CAND2: variants seen among roughly 807,000 people sequenced by gnomAD.
The protein encoded by CAND2 is cullin-associated NEDD8-dissociated protein 2.
A neutral mutation model predicts 98.9 loss-of-function variants in CAND2; 62 were observed. The observed-to-expected ratio is 0.63, with a 90% CI of 0.51 to 0.77. The LOEUF (loss-of-function observed/expected upper bound fraction) is 0.77. CAND2 is among the 30% of genes least tolerant of loss of function. CAND2 has a pLI of 0.00. For missense variants in CAND2, 1,501 were observed against 1,655.2 expected (o/e 0.91, Z 1.62); for synonymous variants, 770 against 731.9 (o/e 1.05, Z -0.84).
In CAND2 at chr3:12,797,053, C is replaced by G. The variant is rs2061731026; in HGVS notation, c.68+265C>G. Among the ~76,000 whole-genome samples the G allele has an allele frequency of 2.0e-5, 3 of 151,942 alleles. No individual in the cohort carries two copies. In the South Asian group the frequency reaches 6.2e-4, roughly 32 times the overall value. On this transcript the variant is annotated intron_variant, in intron 1 of 14. Transcript: ENST00000456430. ...GTCTCCCACCGTGCAGGCTTCAGCC[C>G]TACCTCTCACCCCCGATCAGAGCCC...
chr3:12,818,268 A>G (rs893779147), intron 10 of CAND2, among the ~76,000 whole-genome samples: 2 of 151,882 alleles, frequency 1.3e-5, no homozygotes, highest in Non-Finnish European at 2.9e-5. Context: ...CTACCAAAAA[A>G]AAAAACAAAA....
At chr3:12,821,050 A>C (rs903520335) in intron 11 of CAND2, among the ~76,000 whole-genome samples, 51 of 152,176 alleles carry the variant, frequency 3.4e-4, no homozygotes, top group Non-Finnish European at 6.8e-4. Context: ...CCTGGCCAAC[A>C]CGGTGAAACC....
At chr3:12,823,806 A>C (rs1039043266) in intron 11 of CAND2, among the ~76,000 whole-genome samples, 1 of 152,142 alleles carries the variant, frequency 6.6e-6, no homozygotes, top group African/African-American at 2.4e-5. Context: ...CTGAGGCCTG[A>C]GAATCGCTTG....
rs749706834 is a variant in CAND2 at position 12,827,503 on chromosome 3, G to T, written c.3274G>T (p.Glu1092Ter). 1 of 1,614,138 alleles carries T rather than the reference G, an allele frequency of 6.2e-7. No homozygotes were observed. Among genetic ancestry groups the T allele is most frequent in the Non-Finnish European group, 8.5e-7 (1 of 1,180,004 alleles). The change falls in exon 13 of 15, where the codon GAA (glutamate) becomes TAA (stop). Residue 1092 changes from glutamate to a stop codon, truncating the protein, a stop_gained. Coordinates refer to ENST00000456430, the MANE Select transcript of CAND2 (RefSeq NM_001162499.2). LOFTEE classifies it high-confidence loss of function. Reference protein sequence around the residue: ...DGLDVRKAAFECMYSLLESCL... With the variant: ...DGLDVRKAAF ...GCTGGACGTGCGGAAGGCGGCCTTT[G>T]AATGCATGTATTCACTGCTTGAGAG...
At chr3:12,809,175 C>T (rs372430465) in intron 4 of CAND2, among the ~76,000 whole-genome samples, 5 of 150,926 alleles carry the variant, frequency 3.3e-5, no homozygotes, top group South Asian at 2.1e-4. Flanking sequence ...TAGTAACTGG[C>T]GGGGGCAGAC....
intron 1 of CAND2, among the ~76,000 whole-genome samples, chr3:12,798,960 G>A (rs1191624176): frequency 6.7e-6 from 1 of 149,254 alleles, no homozygotes; most frequent in East Asian, 1.9e-4. Flanking sequence ...GGGGTGGAGG[G>A]AGACCTTTGT....
At chr3:12,814,701 G>A (rs2061882186) in intron 7 of CAND2, among the ~76,000 whole-genome samples, 1 of 151,896 alleles carries the variant, frequency 6.6e-6, no homozygotes. Context: ...GATGAGTTTT[G>A]TGCCCCAAAT....
At position 12,817,121 on chromosome 3, in the gene CAND2, T is replaced by C. The variant is rs1559554097; in HGVS notation, c.2189T>C (p.Val730Ala). 1 of 1,612,996 alleles carries C rather than the reference T, an allele frequency of 6.2e-7. No individual in the cohort carries two copies. Among genetic ancestry groups the C allele is most frequent in the Middle Eastern group, 1.7e-4 (1 of 6,060 alleles). Residue 730 changes from valine (V) to alanine (A), a missense_variant, in exon 10 of 15, where the codon GTG (valine) becomes GCG (alanine). Physicochemically the swap from Val to Ala is moderately conservative, Grantham distance 64. This residue lies in a region of CAND2 where 1,427 missense variants were observed against 1,545.3 expected (regional missense o/e 0.92). Transcript: ENST00000456430. Reference protein sequence around the residue: ...TVTQAQPASLVEVSGPVLSEL... With the variant: ...TVTQAQPASLAEVSGPVLSEL... ...ACCCAGGCCCAGCCAGCCTCTTTGGTGGAGGTCAGTGGCCCTGTGCTCTCA... is the reference window on the plus strand; with the variant it reads ...ACCCAGGCCCAGCCAGCCTCTTTGGCGGAGGTCAGTGGCCCTGTGCTCTCA...
intron 13 of CAND2, among the ~76,000 whole-genome samples, chr3:12,829,009 G>T (rs74456783): frequency 5.3e-5 from 8 of 152,172 alleles, no homozygotes; most frequent in African/African-American, 1.9e-4. Flanking sequence ...ATGCGACTGT[G>T]AACCTAGGTG....
chr3:12,807,368 G>A lies in CAND2; in HGVS notation c.275G>A (p.Cys92Tyr). The A allele has an allele frequency of 6.4e-7, 1 of 1,551,720 alleles. No homozygotes were observed. Among genetic ancestry groups the A allele is most frequent in the African/African-American group, 1.4e-5 (1 of 73,168 alleles). Residue 92 changes from cysteine to tyrosine, a missense_variant, in exon 3 of 15, where the codon TGC becomes TAC. Around this residue, in one of 3 missense-constraint regions of CAND2, gnomAD observed 1,427 missense variants for 1,545.3 expected, o/e 0.92. Transcript: ENST00000456430. Reference protein sequence around the residue: ...YQVETIVDTLCTNMRSDKEQL... With the variant: ...YQVETIVDTLYTNMRSDKEQL... ...GTGGAGACCATTGTGGACACCCTGT[G>A]CACCAACATGCGGTCAGACAAGGAG... is the stretch of plus-strand genomic sequence containing the variant.
chr3:12,833,985 C>T lies in CAND2; in HGVS notation c.*3C>T. ...CAGACTCAATGGAGCTCAGCTAGTC[C>T]CCTCAGCACCAAGGTGGGCCCTCGC... On this transcript the variant is annotated 3_prime_UTR_variant, in exon 15 of 15. Transcript: ENST00000456430. The T allele has an allele frequency of 6.2e-7, 1 of 1,612,516 alleles. No individual in the cohort carries two copies. The highest frequency in any genetic ancestry group is 8.5e-7 in the Non-Finnish European group (1 of 1,178,626).
intron 1 of CAND2, among the ~76,000 whole-genome samples, chr3:12,800,770 T>C (rs2061759899): frequency 1.3e-5 from 2 of 152,222 alleles, no homozygotes; most frequent in African/African-American, 4.8e-5. Flanking sequence ...TCACCCAGGC[T>C]GGAGTGCTGT....
At chr3:12,806,799 C>T (rs1559548775) in intron 2 of CAND2, among the ~76,000 whole-genome samples, 2 of 152,234 alleles carry the variant, frequency 1.3e-5, no homozygotes, top group African/African-American at 4.8e-5. Context: ...ACATCCTGAA[C>T]AAGCTCCCGA....
chr3:12,814,771 CAATT>C (rs771428308), intron 7 of CAND2, among the ~76,000 whole-genome samples: 2 of 152,114 alleles, frequency 1.3e-5, no homozygotes, highest in African/African-American at 2.4e-5. Context: ...ACAGTCCAGA[CAATT>C]AAGGGTCTGG....
In CAND2 at chr3:12,817,734, C is replaced by T. The variant is rs555894995; in HGVS notation, c.2802C>T (p.Ala934=). The T allele has an allele frequency of 2.5e-5, 40 of 1,586,140 alleles. No homozygotes were observed. Among genetic ancestry groups the T allele is most frequent in the South Asian group, 2.1e-4 (18 of 86,176 alleles). Residue 934 remains alanine, a synonymous_variant, in exon 10 of 15, where the codon GCC becomes GCT. Transcript: ENST00000456430. ...AAQPDSLKPY[A]EDIWALLFQR... ...AGCCTGACAGCCTGAAGCCCTACGCCGAGGACATCTGGGCCTTGCTGTTCC... is the reference window on the plus strand; with the variant it reads ...AGCCTGACAGCCTGAAGCCCTACGCTGAGGACATCTGGGCCTTGCTGTTCC...
At chr3:12,803,368 G>T (rs1307130440) in intron 1 of CAND2, 120 bp from the exon 2 acceptor site, 4 of 849,668 alleles carry the variant, frequency 4.7e-6, no homozygotes, top group African/African-American at 1.7e-5. Context: ...TGTGACACAG[G>T]ACTGCATTTG....
In CAND2 at chr3:12,820,165, C is replaced by A. The variant is rs1268579367; in HGVS notation, c.3024C>A (p.Leu1008=). The A allele has an allele frequency of 1.2e-6, 2 of 1,613,838 alleles. No homozygotes were observed. The highest frequency in any genetic ancestry group is 1.7e-6 in the Non-Finnish European group (2 of 1,179,842). Residue 1008 remains leucine (L), a synonymous_variant, in exon 11 of 15, where the codon CTC becomes CTA. Transcript: ENST00000456430. The part of the protein sequence containing the change: ...ISDQPHPIDP[L]LKSFIGEFME... ...ACCAGCCCCATCCCATTGACCCCCT[C>A]CTGAAGAGCTTCATCGGTGAGCACC...
At chr3:12,812,014 C>T (rs1376968538) in intron 5 of CAND2, among the ~76,000 whole-genome samples, 2 of 151,724 alleles carry the variant, frequency 1.3e-5, no homozygotes, top group Admixed American at 1.3e-4. Flanking sequence ...CAGGTTCAAG[C>T]AATTCTGCCT....
Position 12,815,082 on chromosome 3 carries a change from C to A in CAND2, c.1007-59C>A. ...TCTCTCCTCCCTGTCCCTTCTCCCC[C>A]GAGCCACAGACCTGTCCTGGGAGAT... On this transcript the variant is annotated intron_variant, in intron 7 of 14. Transcript: ENST00000456430. The surrounding 1 kb of genome is among the most constrained non-coding windows in gnomAD (Gnocchi z 5.7). The A allele has an allele frequency of 1.3e-6, 2 of 1,537,466 alleles. No homozygotes were observed. Among genetic ancestry groups the A allele is most frequent in the South Asian group, 1.2e-5 (1 of 80,698 alleles).
Sources: gnomAD v4.1 joint callset for allele counts (sites outside exome capture counted in the v4.1 genomes callset) on GRCh38, gnomAD v4.1.1 for gene constraint, gnomAD v4.1.1 regional missense constraint, Gnocchi (gnomAD v3.1) non-coding constraint, MANE v1.5 for transcripts, NCBI Gene and HGNC (gene_info 2026-07-23, HGNC 2026-07-21) for gene names.